PCDHA3: variants seen among roughly 807,000 people sequenced by gnomAD.
PCDHA3 encodes protocadherin alpha-3.
PCDHA3 carries 41 observed loss-of-function variants against 62.2 expected under a neutral mutation model. That is an observed-to-expected ratio of 0.66 (90% CI 0.51 to 0.86). The LOEUF (loss-of-function observed/expected upper bound fraction) is 0.86, where lower values mean the gene tolerates loss of function less well. Among genes scored for constraint, PCDHA3 ranks in the 40% least tolerant of loss-of-function variants. The pLI is 0.00. For missense variants in PCDHA3, 1,304 were observed against 1,241.2 expected (o/e 1.05, Z -0.76); for synonymous variants, 640 against 555.4 (o/e 1.15, Z -2.14).
At position 140,850,379 on chromosome 5, in the gene PCDHA3, G is replaced by T. The variant is rs2150481547; in HGVS notation, c.2394+46788G>T. On this transcript the variant is annotated intron_variant, in intron 1 of 3. Coordinates refer to ENST00000522353, the MANE Select transcript of PCDHA3 (RefSeq NM_018906.3). ...TCCCGTTCCGCGTGGGGCTGTACAC[G>T]GGCGAGATCAGCACAACGCGTGCCC... is the stretch of plus-strand genomic sequence containing the variant. 2.0e-5 allele frequency: 32 copies of T among 1,597,786 alleles called. 2 individuals carry two copies. Among genetic ancestry groups the T allele is most frequent in the Admixed American group, 3.4e-5 (2 of 59,250 alleles).
chr5:140,851,798 T>C lies in PCDHA3; in HGVS notation c.2394+48207T>C. On this transcript the variant is annotated intron_variant, in intron 1 of 3. Coordinates refer to ENST00000522353, the MANE Select transcript of PCDHA3 (RefSeq NM_018906.3). ...TTTAGATGAGAATTCACTTGTTCTGTCAGTAATCCATAAGACAGAAATCTG... is the reference window on the plus strand; with the variant it reads ...TTTAGATGAGAATTCACTTGTTCTGCCAGTAATCCATAAGACAGAAATCTG... 3 of 953,066 alleles carry C rather than the reference T, an allele frequency of 3.1e-6. No individual in the cohort carries two copies. The South Asian group carries it at 1.5e-4, about 46-fold the overall frequency. 59.0% of individuals were successfully genotyped at this position (953,066 alleles called of 1,614,324 possible). A position where few individuals can be genotyped will look rare whatever the true frequency, so the allele number is the denominator to read the frequency against.
intron 1 of PCDHA3, among the ~76,000 whole-genome samples, chr5:140,818,376 C>T (rs2150101046): frequency 1.1e-4 from 17 of 152,280 alleles, no homozygotes; most frequent in African/African-American, 2.4e-4. Flanking sequence ...TAACTTGAAT[C>T]GTGGCATTTT....
intron 1 of PCDHA3, chr5:140,857,678 C>G (rs1554150504): frequency 1.3e-6 from 2 of 1,597,010 alleles, no homozygotes; most frequent in African/African-American, 1.3e-5. Flanking sequence ...CGTGCCGCCT[C>G]TGGGCAGCAA....
rs115221257 is a variant in PCDHA3 at position 140,951,407 on chromosome 5, A to G, written c.2395-27542A>G. On this transcript the variant is annotated intron_variant, in intron 1 of 3. Transcript: ENST00000522353. ...GGTAATTTATAAAGAAAAGAGGTTTAATTGGCTCACAGTTCCACAGGCTGT... is the reference window on the plus strand; with the variant it reads ...GGTAATTTATAAAGAAAAGAGGTTTGATTGGCTCACAGTTCCACAGGCTGT... Among the ~76,000 whole-genome samples the G allele has an allele frequency of 4.7e-3, 715 of 152,182 alleles. 3 individuals are homozygous for G. Among genetic ancestry groups the G allele is most frequent in the African/African-American group, 0.015 (625 of 41,530 alleles).
At chr5:140,882,024 G>C in intron 1 of PCDHA3, 1 of 580,388 alleles carries the variant, frequency 1.7e-6, no homozygotes, top group East Asian at 3.1e-5. Flanking sequence ...CTACATCAAT[G>C]GAAAATATGA....
At chr5:140,922,437 T>C (rs1462386336) in intron 1 of PCDHA3, among the ~76,000 whole-genome samples, 1 of 152,194 alleles carries the variant, frequency 6.6e-6, no homozygotes, top group African/African-American at 2.4e-5. Flanking sequence ...GGCAGAACTC[T>C]CTCATTATCC....
At chr5:140,809,141 A>T in intron 1 of PCDHA3, 2 of 1,613,966 alleles carry the variant, frequency 1.2e-6, no homozygotes, top group Non-Finnish European at 1.7e-6. Flanking sequence ...GGTACTGGTG[A>T]AGGACCACGG....
chr5:140,930,197 C>G (rs1417032734), intron 1 of PCDHA3: 1 of 152,080 alleles, frequency 6.6e-6, no homozygotes, highest in African/African-American at 2.4e-5. Flanking sequence ...ATTTTTATGT[C>G]AGAAATATTT....
rs2098416866 is a variant in PCDHA3, at chr5:141,010,297, G to C, written c.*360G>C. 3 of 1,549,050 alleles carry C rather than the reference G, an allele frequency of 1.9e-6. No individual in the cohort carries two copies. The South Asian group carries it at 3.6e-5, about 19-fold the overall frequency. On this transcript the variant is annotated 3_prime_UTR_variant, in exon 4 of 4. Transcript: ENST00000522353. ...TGTCTTGATGACACTTGCAGGGCAGGCTGAAAAGTTTTGAGATTGAGCAGC... is the reference window on the plus strand; with the variant it reads ...TGTCTTGATGACACTTGCAGGGCAGCCTGAAAAGTTTTGAGATTGAGCAGC...
chr5:140,829,124 G>A, intron 1 of PCDHA3: 1 of 1,612,404 alleles, frequency 6.2e-7, no homozygotes, highest in Non-Finnish European at 8.5e-7. Context: ...GGATAAAAAT[G>A]ATAACGTCCC....
chr5:140,929,870 A>T (rs1056539262), intron 1 of PCDHA3: 1 of 153,262 alleles, frequency 6.5e-6, no homozygotes, highest in Admixed American at 6.5e-5. Flanking sequence ...AGGCTTTGTG[A>T]TAGAGATCAC....
In PCDHA3 at chr5:140,856,514, G is replaced by C. The variant is rs781942781; in HGVS notation, c.2394+52923G>C. 1 of 1,598,422 alleles carries C rather than the reference G, an allele frequency of 6.3e-7. No individual in the cohort carries two copies. The highest frequency in any genetic ancestry group is 1.3e-5 in the African/African-American group (1 of 74,442). On this transcript the variant is annotated intron_variant, in intron 1 of 3. Coordinates refer to ENST00000522353, the MANE Select transcript of PCDHA3 (RefSeq NM_018906.3). ...TGACTCTCGATTTCCACTAGAAGGC[G>C]CATCTGATGCGGATGTTGGAGAGAA... is the stretch of plus-strand genomic sequence containing the variant.
At chr5:140,966,747 C>T (rs2096048243) in intron 1 of PCDHA3, 3 of 1,426,904 alleles carry the variant, frequency 2.1e-6, no homozygotes, top group Admixed American at 5.5e-5. Flanking sequence ...GCCCGGCTGC[C>T]TCCGCCGCGG....
intron 3 of PCDHA3, among the ~76,000 whole-genome samples, chr5:141,000,343 C>G (rs1410684542): frequency 1.7e-5 from 2 of 116,202 alleles, no homozygotes; most frequent in Admixed American, 9.0e-5. Context: ...GGCCCTATCT[C>G]TCTCTCTGTC....
rs782339436 is a variant in PCDHA3, at chr5:140,928,591, G to A, written c.2395-50358G>A. The A allele has an allele frequency of 3.1e-6, 5 of 1,614,230 alleles. No individual in the cohort carries two copies. The South Asian group carries it at 5.5e-5, about 18-fold the overall frequency. ...CTTGCCCAGAAATGGTTCTGTCCCA[G>A]TGGAAATTGTGCCCCGCTCTGCCAG... On this transcript the variant is annotated intron_variant, in intron 1 of 3. Coordinates refer to ENST00000522353, the MANE Select transcript of PCDHA3 (RefSeq NM_018906.3).
At chr5:140,896,882 T>C (rs1345268084) in intron 1 of PCDHA3, among the ~76,000 whole-genome samples, 1 of 152,198 alleles carries the variant, frequency 6.6e-6, no homozygotes. Flanking sequence ...TTATGGGGTA[T>C]ATGAGACATT....
chr5:140,856,660 T>C, intron 1 of PCDHA3: 1 of 1,597,974 alleles, frequency 6.3e-7, no homozygotes, highest in Non-Finnish European at 8.6e-7. Flanking sequence ...GTGAAGAAAA[T>C]CCTCAGCTAA....
rs2150486791 is a variant in PCDHA3 at position 140,850,510 on chromosome 5, G to C, written c.2394+46919G>C. The C allele has an allele frequency of 3.8e-6, 6 of 1,598,136 alleles. No homozygotes were observed. In the African/African-American group the frequency reaches 4.0e-5, roughly 11 times the overall value. On this transcript the variant is annotated intron_variant, in intron 1 of 3. Coordinates refer to ENST00000522353, the MANE Select transcript of PCDHA3 (RefSeq NM_018906.3). ...ACTGTGCTGGTGTCGCTGGTGGAGA[G>C]CGGCCAGGCGCCAAAGTCATCGTCG...
intron 1 of PCDHA3, chr5:140,869,913 C>T (rs782111162): frequency 3.7e-6 from 6 of 1,610,754 alleles, no homozygotes; most frequent in Non-Finnish European, 5.1e-6. Flanking sequence ...CAGACCGAGA[C>T]GAAGGAGTCA....
Sources: allele counts gnomAD v4.1 joint callset (sites outside exome capture counted in the v4.1 genomes callset), GRCh38; gene constraint gnomAD v4.1.1; transcripts MANE v1.5; gene names NCBI Gene and HGNC (gene_info 2026-07-23, HGNC 2026-07-21).